PDGFD: variants seen among roughly 807,000 people sequenced by gnomAD.
The protein encoded by PDGFD is platelet derived growth factor D.
A neutral mutation model predicts 44.7 loss-of-function variants in PDGFD; 30 were observed. The ratio of observed to expected loss-of-function variants is 0.67; its 90% confidence interval spans 0.50 to 0.91. PDGFD has a LOEUF of 0.91. PDGFD is among the 40% of genes least tolerant of loss of function. The pLI, the probability that PDGFD is intolerant of heterozygous loss-of-function variation, is 0.00. For missense variants in PDGFD, 445 were observed against 457.8 expected (o/e 0.97, Z 0.25); for synonymous variants, 173 against 168.4 (o/e 1.03, Z -0.21).
At position 104,045,565 on chromosome 11, in the gene PDGFD, T is replaced by TTA. The variant is rs1198118098; in HGVS notation, c.125-45312_125-45311dup. On this transcript the variant is annotated intron_variant, in intron 1 of 6. Coordinates refer to ENST00000393158, the MANE Select transcript of PDGFD (RefSeq NM_025208.5). ...TATTTAAGTTATCTATGAACTTGGGTTATCCTGGAAAAGCATAGATGAAAC... is the reference window on the plus strand; with the variant it reads ...TATTTAAGTTATCTATGAACTTGGGTTATATCCTGGAAAAGCATAGATGAAAC... Among the ~76,000 whole-genome samples, 21 of 152,116 alleles carry TTA rather than the reference T, an allele frequency of 1.4e-4. No homozygotes were observed. In the East Asian group the frequency reaches 3.7e-3, roughly 27 times the overall value.
At chr11:103,923,909 A>C (rs1051653785) in intron 6 of PDGFD, among the ~76,000 whole-genome samples, 5 of 152,360 alleles carry the variant, frequency 3.3e-5, no homozygotes, top group African/African-American at 1.2e-4. Flanking sequence ...GAGATGCTTT[A>C]GATACAGTTT....
intron 1 of PDGFD, among the ~76,000 whole-genome samples, chr11:104,123,579 A>C (rs1025306295): frequency 3.3e-5 from 5 of 152,102 alleles, no homozygotes; most frequent in Non-Finnish European, 5.9e-5. Context: ...AGTCAATAAT[A>C]TCCTGAAGCC....
At chr11:104,028,127 T>C (rs1294619322) in intron 1 of PDGFD, among the ~76,000 whole-genome samples, 1 of 149,996 alleles carries the variant, frequency 6.7e-6, no homozygotes, top group Admixed American at 6.7e-5. Context: ...GAGGCGGAGC[T>C]TGTAGTGAGC....
chr11:104,102,493 G>C (rs1469339783), intron 1 of PDGFD, among the ~76,000 whole-genome samples: 1 of 152,152 alleles, frequency 6.6e-6, no homozygotes, highest in Non-Finnish European at 1.5e-5. Context: ...CTGTAAACTA[G>C]TTCAACCATT....
Position 104,119,770 on chromosome 11 carries a change from A to G in PDGFD, c.124+44034T>C, listed in dbSNP as rs1237358221. On this transcript the variant is annotated intron_variant, in intron 1 of 6. Transcript: ENST00000393158. ...ATTATATATTTATATATAATATATGATAAAATATAATATATAAGAAATTAT... is the reference window on the plus strand; with the variant it reads ...ATTATATATTTATATATAATATATGGTAAAATATAATATATAAGAAATTAT... 1.1e-3 allele frequency among the ~76,000 whole-genome samples: 121 copies of G among 111,822 alleles called. 1 individual carries two copies. The highest frequency in any genetic ancestry group is 4.4e-3 in the African/African-American group (118 of 26,812). 73.4% of individuals were successfully genotyped at this position (111,822 alleles called of 152,430 possible). A position where few individuals can be genotyped will look rare whatever the true frequency, so the allele number is the denominator to read the frequency against.
chr11:104,144,424 T>C lies in PDGFD; in HGVS notation c.124+19380A>G, dbSNP rs370306897. ...GGGAGGCTGAGGCAGGAGAATCGCT[T>C]GAACCCAGGCGGCAGAAGTTGCAGT... On this transcript the variant is annotated intron_variant, in intron 1 of 6. Coordinates refer to ENST00000393158, the MANE Select transcript of PDGFD (RefSeq NM_025208.5). Among the ~76,000 whole-genome samples, 25 of 145,272 alleles carry C rather than the reference T, an allele frequency of 1.7e-4. 1 individual carries two copies. The South Asian group carries it at 5.0e-3, about 29-fold the overall frequency.
rs1452483714 is a variant in PDGFD, at chr11:104,139,917, G to A, written c.124+23887C>T. Reference sequence around the variant, plus strand: ...AAAAAAAAAATACAAAAAATTAGCCGGGCGCGGTGGCGGGCGCCTGTAGTC... The same window carrying A: ...AAAAAAAAAATACAAAAAATTAGCCAGGCGCGGTGGCGGGCGCCTGTAGTC... On this transcript the variant is annotated intron_variant, in intron 1 of 6. Coordinates refer to ENST00000393158, the MANE Select transcript of PDGFD (RefSeq NM_025208.5). Among the ~76,000 whole-genome samples the A allele has an allele frequency of 6.0e-4, 44 of 73,266 alleles. 12 individuals are homozygous for A. The highest frequency in any genetic ancestry group is 6.4e-4 in the Admixed American group (5 of 7,806). The allele number at this position is 73,266 out of a possible 152,430, so 48.1% of individuals were successfully genotyped here.
At chr11:104,035,239 T>A (rs1343208297) in intron 1 of PDGFD, among the ~76,000 whole-genome samples, 1 of 152,220 alleles carries the variant, frequency 6.6e-6, no homozygotes, top group Non-Finnish European at 1.5e-5. Flanking sequence ...ATCTACCCTA[T>A]ATCCCATTTT....
rs950197100 is a variant in PDGFD, at chr11:103,907,703, T to C, written c.*1991A>G. On this transcript the variant is annotated 3_prime_UTR_variant, in exon 7 of 7. Coordinates refer to ENST00000393158, the MANE Select transcript of PDGFD (RefSeq NM_025208.5). ...TTATATTTACAGCTACATTGTGAGC[T>C]GTTCAGGTTAGAGTGATGTAACGTT... 2 of 152,328 alleles carry C rather than the reference T, an allele frequency of 1.3e-5. No homozygotes were observed. Among genetic ancestry groups the C allele is most frequent in the African/African-American group, 4.8e-5 (2 of 41,580 alleles). The allele number at this position is 152,328 out of a possible 1,614,324, so 9.4% of individuals were successfully genotyped here. A position where few individuals can be genotyped will look rare whatever the true frequency, so the allele number is the denominator to read the frequency against.
chr11:104,090,936 T>C (rs1372167835), intron 1 of PDGFD, among the ~76,000 whole-genome samples: 1 of 152,068 alleles, frequency 6.6e-6, no homozygotes, highest in Non-Finnish European at 1.5e-5. Context: ...GTTTCTACTA[T>C]AGCTCTAAAA....
At chr11:104,009,933 G>T (rs537336951) in intron 1 of PDGFD, among the ~76,000 whole-genome samples, 1 of 152,088 alleles carries the variant, frequency 6.6e-6, no homozygotes, top group Non-Finnish European at 1.5e-5. Context: ...CTTCACTAAG[G>T]AATTTTTGGT....
chr11:104,148,274 A>C (rs1862191596), intron 1 of PDGFD, among the ~76,000 whole-genome samples: 1 of 152,234 alleles, frequency 6.6e-6, no homozygotes, highest in South Asian at 2.1e-4. Flanking sequence ...CAACACACTG[A>C]AACGATGAGA....
intron 3 of PDGFD, among the ~76,000 whole-genome samples, chr11:103,971,886 A>G (rs1214722432): frequency 6.6e-6 from 1 of 152,194 alleles, no homozygotes; most frequent in East Asian, 1.9e-4. Context: ...TACTCACCAC[A>G]TGATTACACA....
At chr11:103,915,061 A>C (rs1473443721) in intron 6 of PDGFD, among the ~76,000 whole-genome samples, 2 of 152,100 alleles carry the variant, frequency 1.3e-5, no homozygotes, top group East Asian at 3.9e-4. Context: ...CTCTCTCACC[A>C]CTCCTATTCA....
At chr11:104,009,487 G>T (rs542112429) in intron 1 of PDGFD, among the ~76,000 whole-genome samples, 72 of 151,298 alleles carry the variant, frequency 4.8e-4, no homozygotes, top group African/African-American at 1.7e-3. Flanking sequence ...AGTAATTTCT[G>T]CACTCTTCCT....
intron 1 of PDGFD, among the ~76,000 whole-genome samples, chr11:104,156,934 C>A (rs1266300063): frequency 6.6e-6 from 1 of 152,162 alleles, no homozygotes; most frequent in Non-Finnish European, 1.5e-5. Context: ...GTCTTGGATT[C>A]TTTCCTTTTT....
chr11:104,085,451 C>T (rs2134432723), intron 1 of PDGFD, among the ~76,000 whole-genome samples: 1 of 152,256 alleles, frequency 6.6e-6, no homozygotes, highest in Non-Finnish European at 1.5e-5. Context: ...TTTGTTTACC[C>T]ATTCATTCAC....
rs80264524 is a variant in PDGFD, at chr11:104,018,464, G to A, written c.125-18209C>T. 2.8e-4 allele frequency among the ~76,000 whole-genome samples: 43 copies of A among 152,234 alleles called. 1 individual carries two copies. In the East Asian group the frequency reaches 7.7e-3, roughly 27 times the overall value. On this transcript the variant is annotated intron_variant, in intron 1 of 6. Transcript: ENST00000393158. ...CTATCATGTCTGCCATTGTCCATTC[G>A]TTAACTGAGTGGGTTCATCTGCAGT...
At chr11:103,985,078 T>TATTTATTTAATATATAATATATTA (rs1565302865) in intron 3 of PDGFD, among the ~76,000 whole-genome samples, 3,682 of 88,966 alleles carry the variant, frequency 0.041, 690 homozygotes, top group Admixed American at 0.1. Flanking sequence ...TTAATAGTTA[T>TATTTATTTAATATATAATATATTA]ATTTATTTAA....
Sources: allele counts gnomAD v4.1 joint callset (sites outside exome capture counted in the v4.1 genomes callset), GRCh38; gene constraint gnomAD v4.1.1; transcripts MANE v1.5; gene names NCBI Gene and HGNC (gene_info 2026-07-23, HGNC 2026-07-21).